Variants in TANC2 observed in about 807,000 individuals in gnomAD.
TANC2 encodes tetratricopeptide repeat, ankyrin repeat and coiled-coil containing 2, also known as protein TANC2.
TANC2 carries 26 observed loss-of-function variants against 210.5 expected under a neutral mutation model. That is an observed-to-expected ratio of 0.12 (90% CI 0.09 to 0.17). The LOEUF is 0.17. Among genes scored for constraint, TANC2 ranks in the 10% least tolerant of loss-of-function variants. The probability of loss-of-function intolerance (pLI) is 1.00; values close to 1 mark genes in which losing one functional copy is unlikely to be tolerated. For missense variants in TANC2, 2,129 were observed against 2,608.9 expected (o/e 0.82, Z 4.01); for synonymous variants, 931 against 967.1 (o/e 0.96, Z 0.69).
At chr17:63,209,933 T>C (rs2041835486) in intron 7 of TANC2, among the ~76,000 whole-genome samples, 1 of 152,240 alleles carries the variant, frequency 6.6e-6, no homozygotes, top group Non-Finnish European at 1.5e-5. Flanking sequence ...CTCTCAATGG[T>C]GTAAACTACA....
chr17:62,992,449 T>C (rs1275238130), intron 1 of TANC2, among the ~76,000 whole-genome samples: 1 of 152,226 alleles, frequency 6.6e-6, no homozygotes, highest in East Asian at 1.9e-4. Context: ...ATGTATAAAG[T>C]GTCTTTTTGT....
chr17:63,165,285 A>G lies in TANC2; in HGVS notation c.433+13905A>G, dbSNP rs565008157. Among the ~76,000 whole-genome samples, 15 of 151,918 alleles carry G rather than the reference A, an allele frequency of 9.9e-5. No homozygotes were observed. In the East Asian group the frequency reaches 2.3e-3, roughly 23 times the overall value. On this transcript the variant is annotated intron_variant, in intron 5 of 27. Coordinates refer to ENST00000689528, the Ensembl canonical transcript of TANC2. ...GAGTGAGACCCTATTTAAAAAAAAA[A>G]GAAAGAAATGCACTTGACAAAGTTC...
chr17:63,257,585 C>T (rs2043232914), intron 8 of TANC2, among the ~76,000 whole-genome samples: 1 of 152,120 alleles, frequency 6.6e-6, no homozygotes, highest in African/African-American at 2.4e-5. Context: ...GTCTTGAGCT[C>T]CTAAGCTCAA....
chr17:63,368,607 A>G (rs1238783326), intron 14 of TANC2, among the ~76,000 whole-genome samples: 1 of 152,250 alleles, frequency 6.6e-6, no homozygotes, highest in African/African-American at 2.4e-5. Context: ...TCAAAGGAGA[A>G]GGCAGTTTCA....
intron 7 of TANC2, among the ~76,000 whole-genome samples, chr17:63,204,979 G>A (rs982243317): frequency 2.0e-5 from 3 of 152,112 alleles, no homozygotes; most frequent in Non-Finnish European, 2.9e-5. Flanking sequence ...CAGCTACTGG[G>A]GAGGCTGAGG....
chr17:63,410,342 C>G (rs1050211558), intron 21 of TANC2, among the ~76,000 whole-genome samples: 2 of 138,434 alleles, frequency 1.4e-5, no homozygotes, highest in African/African-American at 2.9e-5. Flanking sequence ...TCCAATCCCC[C>G]CCCCCCATCT....
chr17:63,421,211 T>G lies in TANC2; in HGVS notation c.5481T>G (p.Gly1827=). The change falls in exon 28 of 28, where the codon GGT becomes GGG. Residue 1827 remains glycine (G), a synonymous_variant. Transcript: ENST00000689528. This position sits in a 1 kb window ranked among gnomAD's most constrained non-coding sequence, Gnocchi z 6.9. ...TGGAGCGCTCCTCCAGCCAACTAGGTTCCCCTGATGTGTCGCATTTAATCA... is the reference window on the plus strand; with the variant it reads ...TGGAGCGCTCCTCCAGCCAACTAGGGTCCCCTGATGTGTCGCATTTAATCA... 6.2e-7 allele frequency: 1 copy of G among 1,613,960 alleles called. No homozygotes were observed. Among genetic ancestry groups the G allele is most frequent in the Non-Finnish European group, 8.5e-7 (1 of 1,179,886 alleles).
chr17:63,266,851 GTTA>G (rs963301604), intron 8 of TANC2, among the ~76,000 whole-genome samples: 5 of 151,892 alleles, frequency 3.3e-5, no homozygotes, highest in East Asian at 3.9e-4. Flanking sequence ...TTTTTGTGGT[GTTA>G]TTGTTGTTGT....
intron 9 of TANC2, among the ~76,000 whole-genome samples, chr17:63,298,595 C>T (rs995736611): frequency 6.6e-6 from 1 of 152,008 alleles, no homozygotes; most frequent in African/African-American, 2.4e-5. Flanking sequence ...TGTTTTGGAA[C>T]TAGATAGAAG....
intron 7 of TANC2, among the ~76,000 whole-genome samples, chr17:63,210,064 T>C (rs2041838464): frequency 6.6e-6 from 1 of 152,244 alleles, no homozygotes; most frequent in South Asian, 2.1e-4. Flanking sequence ...TCTATATCCA[T>C]GAGTGAGATG....
intron 9 of TANC2, among the ~76,000 whole-genome samples, chr17:63,290,285 G>C (rs2044346921): frequency 6.6e-6 from 1 of 152,056 alleles, no homozygotes; most frequent in Non-Finnish European, 1.5e-5. Flanking sequence ...TTGTCCACAT[G>C]GAGCCTCCAG....
At chr17:63,108,718 A>G (rs2037918640) in intron 4 of TANC2, among the ~76,000 whole-genome samples, 1 of 151,666 alleles carries the variant, frequency 6.6e-6, no homozygotes, top group African/African-American at 2.4e-5. Context: ...CTGAGGCAGG[A>G]GAATCCCTTG....
At chr17:63,059,488 A>C (rs753166641) in intron 2 of TANC2, among the ~76,000 whole-genome samples, 1 of 152,176 alleles carries the variant, frequency 6.6e-6, no homozygotes, top group Non-Finnish European at 1.5e-5. Context: ...TGCAAGTTGC[A>C]GAATGGTGAT....
intron 7 of TANC2, among the ~76,000 whole-genome samples, chr17:63,206,694 G>A (rs2041722963): frequency 6.6e-6 from 1 of 152,082 alleles, no homozygotes; most frequent in Admixed American, 6.6e-5. Flanking sequence ...TACTGAGTGG[G>A]GCTGCAGCGG....
At chr17:63,393,749 G>A (rs1157549391) in intron 17 of TANC2, among the ~76,000 whole-genome samples, 3 of 151,216 alleles carry the variant, frequency 2.0e-5, no homozygotes, top group Non-Finnish European at 2.9e-5. Context: ...GATTCTTGCT[G>A]CAGTAAGTAT....
intron 8 of TANC2, among the ~76,000 whole-genome samples, chr17:63,248,748 A>T (rs1299164948): frequency 6.6e-6 from 1 of 152,138 alleles, no homozygotes; most frequent in Non-Finnish European, 1.5e-5. Context: ...ATAAAACTAT[A>T]TATATTGTTC....
At chr17:63,336,482 A>C (rs2046031762) in intron 11 of TANC2, among the ~76,000 whole-genome samples, 2 of 152,174 alleles carry the variant, frequency 1.3e-5, no homozygotes, top group Non-Finnish European at 2.9e-5. Flanking sequence ...CCCTTTGATG[A>C]AGTTTATGAC....
intron 8 of TANC2, among the ~76,000 whole-genome samples, chr17:63,253,684 C>T (rs1432835220): frequency 1.3e-5 from 2 of 152,112 alleles, no homozygotes; most frequent in African/African-American, 4.8e-5. Flanking sequence ...ACAATTATGG[C>T]TCACTGCAGC....
chr17:63,202,067 T>C (rs1306120764), intron 7 of TANC2, among the ~76,000 whole-genome samples: 2 of 152,128 alleles, frequency 1.3e-5, no homozygotes, highest in Non-Finnish European at 2.9e-5. Flanking sequence ...TAGTTAGGTA[T>C]GGAGATAAGA....
Sources: gnomAD v4.1 joint callset for allele counts (sites outside exome capture counted in the v4.1 genomes callset) on GRCh38, gnomAD v4.1.1 for gene constraint, Gnocchi (gnomAD v3.1) non-coding constraint, MANE v1.5 for transcripts, NCBI Gene and HGNC (gene_info 2026-07-23, HGNC 2026-07-21) for gene names.